NADSYN1: variants seen among roughly 807,000 people sequenced by gnomAD.
NADSYN1 encodes NAD synthetase 1.
A neutral mutation model predicts 99.3 loss-of-function variants in NADSYN1; 80 were observed. That is an observed-to-expected ratio of 0.81 (90% confidence interval 0.67 to 0.97). The LOEUF (loss-of-function observed/expected upper bound fraction) is 0.97, where lower values mean the gene tolerates loss of function less well. NADSYN1 is among the 50% of genes least tolerant of loss of function. NADSYN1 has a pLI of 0.00. For synonymous variants in NADSYN1, 385 were observed against 372.1 expected, an observed-to-expected ratio of 1.03 and a Z score of -0.40; for missense variants, 859 against 948.5, an observed-to-expected ratio of 0.91 and a Z score of 1.24.
Position 71,458,438 on chromosome 11 carries a change from T to C in NADSYN1, c.157T>C (p.Cys53Arg). Residue 53 changes from cysteine to arginine, a missense_variant, in exon 3 of 21, where the codon TGT (cysteine) becomes CGT (arginine). Cys to Arg is a radical substitution (Grantham distance 180). Transcript: ENST00000319023. The stretch of plus-strand genomic sequence containing the variant: ...TCACTGTCTCTGCAGCGGCTACGGA[T>C]GTTGGGATCATTATTACGAGTCGGA... ...GPELEICGYG[C>R]WDHYYESDTL... 1.9e-6 allele frequency: 3 copies of C among 1,613,630 alleles called. No homozygotes were observed. Among genetic ancestry groups the C allele is most frequent in the Non-Finnish European group, 2.5e-6 (3 of 1,179,570 alleles).
At chr11:71,474,762 G>C in intron 9 of NADSYN1, 1 of 502,868 alleles carries the variant, frequency 2.0e-6, no homozygotes, top group Non-Finnish European at 3.6e-6. Flanking sequence ...GCTTAGTGAG[G>C]GCCCCTGTGG....
chr11:71,458,825 C>T (rs1366033854), intron 3 of NADSYN1: 2 of 335,438 alleles, frequency 6.0e-6, no homozygotes, highest in Non-Finnish European at 1.2e-5. Context: ...GCAGCATTCA[C>T]CCCACCCCGT....
chr11:71,475,794 A>C (rs930134410), intron 9 of NADSYN1, among the ~76,000 whole-genome samples: 3 of 152,088 alleles, frequency 2.0e-5, no homozygotes, highest in Non-Finnish European at 1.5e-5. Context: ...GGCTCGCTGC[A>C]ACCTCCGCCC....
At position 71,492,067 on chromosome 11, in the gene NADSYN1, C is replaced by T. The variant is rs574201153; in HGVS notation, c.1764+164C>T. Among the ~76,000 whole-genome samples, 3 of 152,290 alleles carry T rather than the reference C, an allele frequency of 2.0e-5. No homozygotes were observed. The East Asian group carries it at 5.8e-4, about 29-fold the overall frequency. ...GCTCAGTGTCAGTCACATCCCTGGC[C>T]TTTGACACTTCAATTCACTTCCTCA... On this transcript the variant is annotated intron_variant, in intron 18 of 20. Transcript: ENST00000319023.
rs1300407015 is a variant in NADSYN1 at position 71,485,739 on chromosome 11, C to G, written c.1562+91C>G. ...GCTGTGAGATTCTATCATCCTGTGC[C>G]TTTCATGGCGGGTTTGGTGCCTGGA... On this transcript the variant is annotated intron_variant, in intron 16 of 20. Coordinates refer to ENST00000319023, the MANE Select transcript of NADSYN1 (RefSeq NM_018161.5). 3.0e-6 allele frequency: 3 copies of G among 986,294 alleles called. No individual in the cohort carries two copies. In the Admixed American group the frequency reaches 9.1e-5, roughly 30 times the overall value. The allele number at this position is 986,294 out of a possible 1,614,324, so 61.1% of individuals were successfully genotyped here. A position where few individuals can be genotyped will look rare whatever the true frequency, so the allele number is the denominator to read the frequency against.
At chr11:71,481,288 G>C in intron 11 of NADSYN1, 68 bp from the exon 12 acceptor site, 1 of 1,532,128 alleles carries the variant, frequency 6.5e-7, no homozygotes, top group African/African-American at 1.4e-5. Flanking sequence ...GGGCCTGCTT[G>C]GGTGGGTTGT....
At chr11:71,498,154 A>T (rs1949832805) in intron 19 of NADSYN1, among the ~76,000 whole-genome samples, 198 bp from the exon 20 acceptor site, 1 of 152,052 alleles carries the variant, frequency 6.6e-6, no homozygotes, top group African/African-American at 2.4e-5. Context: ...ATAGCATCAG[A>T]GGCAGGGGGA....
rs1295838441 is a variant in NADSYN1, at chr11:71,455,141, A to G, written c.117A>G (p.Arg39=). ...SIEIAKNRGA[R]YRLGPELEIC... ...AAATTGCCAAAAACAGAGGAGCAAG[A>G]TACAGGCTTGGACCAGAGCTGGAAA... Residue 39 remains arginine, a synonymous_variant, in exon 2 of 21, where the codon AGA becomes AGG. Coordinates refer to ENST00000319023, the MANE Select transcript of NADSYN1 (RefSeq NM_018161.5). 6.2e-7 allele frequency: 1 copy of G among 1,614,032 alleles called. No individual in the cohort carries two copies. Among genetic ancestry groups the G allele is most frequent in the East Asian group, 2.2e-5 (1 of 44,896 alleles).
chr11:71,500,510 A>T (rs1237600897), intron 20 of NADSYN1, among the ~76,000 whole-genome samples: 1 of 152,172 alleles, frequency 6.6e-6, no homozygotes, highest in African/African-American at 2.4e-5. Flanking sequence ...TGTGTGCAGG[A>T]TGGGCCCCTC....
chr11:71,458,652 AGG>A, intron 3 of NADSYN1, 108 bp downstream of exon 3: 1 of 795,670 alleles, frequency 1.3e-6, no homozygotes, highest in Non-Finnish European at 2.2e-6. Flanking sequence ...CCATGTGTCC[AGG>A]GATACGAAAG....
At chr11:71,474,353 G>GGACAC (rs1949649803) in intron 8 of NADSYN1, 42 bp from the exon 9 acceptor site, 2 of 1,612,172 alleles carry the variant, frequency 1.2e-6, no homozygotes, top group Non-Finnish European at 1.7e-6. Flanking sequence ...TGAGGGTGGT[G>GGACAC]GACACAGCTG....
intron 12 of NADSYN1, 45 bp from the exon 13 acceptor site, chr11:71,481,878 G>A: frequency 3.8e-6 from 6 of 1,561,056 alleles, no homozygotes; most frequent in Non-Finnish European, 5.3e-6. Context: ...TGGGCATGCT[G>A]CTTCTCCGAG....
At chr11:71,468,366 A>G (rs1949607060) in intron 5 of NADSYN1, among the ~76,000 whole-genome samples, 1 of 152,238 alleles carries the variant, frequency 6.6e-6, no homozygotes, top group Admixed American at 6.5e-5. Flanking sequence ...GGCCAGCCCT[A>G]AATCACTGCA....
chr11:71,472,443 C>A lies in NADSYN1; in HGVS notation c.408-6C>A. 1 of 1,610,462 alleles carries A rather than the reference C, an allele frequency of 6.2e-7. No individual in the cohort carries two copies. Among genetic ancestry groups the A allele is most frequent in the East Asian group, 2.2e-5 (1 of 44,874 alleles). Reference sequence around the variant, plus strand: ...ATCCTCAGCTCCTCGGTGTTTTCCTCTCCAGGCACACAGAGGAGTACTTTC... The same window carrying A: ...ATCCTCAGCTCCTCGGTGTTTTCCTATCCAGGCACACAGAGGAGTACTTTC... On this transcript the variant is annotated splice_polypyrimidine_tract_variant and splice_region_variant and intron_variant, in intron 5 of 20. Transcript: ENST00000319023.
chr11:71,476,097 CA>C (rs1206700352), intron 9 of NADSYN1: 2 of 456,170 alleles, frequency 4.4e-6, no homozygotes, highest in Non-Finnish European at 8.8e-6. Context: ...ACAAATACAA[CA>C]AAAAGTAACT....
Position 71,484,446 on chromosome 11 carries a change from A to G in NADSYN1, c.1454A>G (p.Gln485Arg). 1 of 1,613,196 alleles carries G rather than the reference A, an allele frequency of 6.2e-7. No individual in the cohort carries two copies. Among genetic ancestry groups the G allele is most frequent in the Non-Finnish European group, 8.5e-7 (1 of 1,179,564 alleles). Residue 485 changes from glutamine (Q) to arginine (R), a missense_variant and splice_region_variant, in exon 15 of 21, where the codon CAG becomes CGG. Physicochemically the swap from Gln to Arg is conservative, Grantham distance 43. Transcript: ENST00000319023. ...GAAAACCTGGCGCTGCAAAATGTGC[A>G]GGTGCCCCCGCCTGGGCCGGCGTCC... is the stretch of plus-strand genomic sequence containing the variant. ...SRENLALQNVQARIRMVLAYL... is the reference protein window; with the variant it reads ...SRENLALQNVRARIRMVLAYL...
intron 11 of NADSYN1, 188 bp from the exon 12 acceptor site, chr11:71,481,168 C>T: frequency 2.9e-6 from 2 of 689,656 alleles, no homozygotes; most frequent in Non-Finnish European, 5.0e-6. Flanking sequence ...TGATAATACC[C>T]ACGTCCTGGG....
Position 71,473,627 on chromosome 11 carries a change from C to T in NADSYN1, c.607C>T (p.His203Tyr), listed in dbSNP as rs369964593. Residue 203 changes from histidine to tyrosine, a missense_variant, in exon 8 of 21, where the codon CAC (histidine) becomes TAC (tyrosine). Physicochemically the swap from His to Tyr is moderately conservative, Grantham distance 83. Transcript: ENST00000319023. The stretch of plus-strand genomic sequence containing the variant: ...GATCATCACCAACGCCTCGGGCAGC[C>T]ACCAAGTGCTGCGCAAAGCCAACAC... Reference protein sequence around the residue: ...VEIITNASGSHQVLRKANTRV... With the variant: ...VEIITNASGSYQVLRKANTRV... 19 of 1,613,122 alleles carry T rather than the reference C, an allele frequency of 1.2e-5. No individual in the cohort carries two copies. The highest frequency in any genetic ancestry group is 1.5e-5 in the Non-Finnish European group (18 of 1,179,910).
At chr11:71,476,501 C>A in intron 9 of NADSYN1, 1 of 265,360 alleles carries the variant, frequency 3.8e-6, no homozygotes, top group Non-Finnish European at 6.0e-6. Flanking sequence ...CATAGTGGAC[C>A]AAGTGAACTT....
Sources: gnomAD v4.1 joint callset for allele counts (sites outside exome capture counted in the v4.1 genomes callset) on GRCh38, gnomAD v4.1.1 for gene constraint, MANE v1.5 for transcripts, NCBI Gene and HGNC (gene_info 2026-07-23, HGNC 2026-07-21) for gene names.